Variants in LRRC7 observed in about 807,000 individuals in gnomAD.
LRRC7 encodes the protein leucine rich repeat containing 7, also known as leucine-rich repeat-containing protein 7.
In LRRC7, 23 loss-of-function variants were observed where a neutral mutation model predicts 175.7. The ratio of observed to expected loss-of-function variants is 0.13; its 90% confidence interval spans 0.09 to 0.19. LRRC7 has a LOEUF of 0.19. LRRC7 is among the 10% of genes least tolerant of loss of function. LRRC7 has a pLI of 1.00. For missense variants in LRRC7, 1,354 were observed against 1,904.7 expected (o/e 0.71, Z 5.38); for synonymous variants, 685 against 680.9 (o/e 1.01, Z -0.09).
chr1:69,597,251 G>A (rs1275535427), intron 1 of LRRC7, among the ~76,000 whole-genome samples: 1 of 152,040 alleles, frequency 6.6e-6, no homozygotes, highest in Non-Finnish European at 1.5e-5. Context: ...TAAAAGACAG[G>A]GGTTAGATAG....
chr1:70,087,823 A>G (rs926799956), intron 24 of LRRC7, among the ~76,000 whole-genome samples: 1 of 152,192 alleles, frequency 6.6e-6, no homozygotes, highest in African/African-American at 2.4e-5. Flanking sequence ...CCAGTAAACT[A>G]TCTAATATTT....
intron 18 of LRRC7, among the ~76,000 whole-genome samples, chr1:70,029,576 T>C (rs1412350164): frequency 6.6e-6 from 1 of 152,162 alleles, no homozygotes; most frequent in Admixed American, 6.6e-5. Context: ...CAAAATATTA[T>C]GCACATATTA....
At chr1:69,841,229 A>C (rs1681694959) in intron 7 of LRRC7, among the ~76,000 whole-genome samples, 1 of 152,020 alleles carries the variant, frequency 6.6e-6, no homozygotes, top group Non-Finnish European at 1.5e-5. Context: ...GTGCTTCTCT[A>C]TAGGGCTACT....
intron 1 of LRRC7, among the ~76,000 whole-genome samples, chr1:69,585,964 G>C (rs1348155560): frequency 6.6e-6 from 1 of 152,040 alleles, no homozygotes; most frequent in Non-Finnish European, 1.5e-5. Context: ...TAAAAATCTG[G>C]CTTACAAAAA....
At chr1:69,747,922 G>A (rs1669430690) in intron 2 of LRRC7, among the ~76,000 whole-genome samples, 1 of 151,952 alleles carries the variant, frequency 6.6e-6, no homozygotes, top group Non-Finnish European at 1.5e-5. Flanking sequence ...ATTCACACAT[G>A]CCTTTAACTT....
intron 1 of LRRC7, among the ~76,000 whole-genome samples, chr1:69,641,385 CTG>C (rs1182402432): frequency 6.6e-6 from 1 of 151,442 alleles, no homozygotes. Flanking sequence ...CCTTAATACT[CTG>C]TTTATTTATT....
At chr1:69,811,654 G>A (rs1677885426) in intron 4 of LRRC7, among the ~76,000 whole-genome samples, 1 of 152,060 alleles carries the variant, frequency 6.6e-6, no homozygotes, top group Non-Finnish European at 1.5e-5. Flanking sequence ...ATCATTCTCA[G>A]CAAACTAACA....
At chr1:69,686,845 G>A (rs978674533) in intron 2 of LRRC7, among the ~76,000 whole-genome samples, 2 of 151,938 alleles carry the variant, frequency 1.3e-5, no homozygotes, top group African/African-American at 4.8e-5. Context: ...CCAACTATAT[G>A]TTGCTTATAA....
Position 70,136,836 on chromosome 1 carries a change from C to G in LRRC7, c.*14949C>G, listed in dbSNP as rs921198884. On this transcript the variant is annotated 3_prime_UTR_variant, in exon 27 of 27. Transcript: ENST00000651989. ...CCTTGACCACCTGGGCTCAAGTGAT[C>G]CACCTCAGCCTCCTGAGTAGCTGGG... 6.8e-6 allele frequency among the ~76,000 whole-genome samples: 1 copy of G among 147,978 alleles called. No homozygotes were observed. The highest frequency in any genetic ancestry group is 1.5e-5 in the Non-Finnish European group (1 of 67,342).
intron 7 of LRRC7, among the ~76,000 whole-genome samples, chr1:69,925,305 C>G (rs1647030519): frequency 6.6e-6 from 1 of 152,156 alleles, no homozygotes; most frequent in Admixed American, 6.5e-5. Context: ...CAGGATGATG[C>G]TGACCTCATA....
At chr1:69,907,539 T>C (rs533921058) in intron 7 of LRRC7, among the ~76,000 whole-genome samples, 9 of 152,296 alleles carry the variant, frequency 5.9e-5, no homozygotes, top group South Asian at 2.1e-4. Flanking sequence ...TTGTCTTTGG[T>C]TCTGTTTATA....
intron 7 of LRRC7, among the ~76,000 whole-genome samples, chr1:69,854,673 A>G (rs904160417): frequency 6.6e-6 from 1 of 152,320 alleles, no homozygotes; most frequent in Middle Eastern, 3.4e-3. Context: ...TATATAGTAA[A>G]AATGAGTATT....
chr1:69,701,416 G>A (rs1205783840), intron 2 of LRRC7, among the ~76,000 whole-genome samples: 1 of 152,118 alleles, frequency 6.6e-6, no homozygotes, highest in Admixed American at 6.5e-5. Context: ...ACTGAGCCCA[G>A]TGCCTGACAC....
At chr1:69,599,085 C>T (rs905870131) in intron 1 of LRRC7, among the ~76,000 whole-genome samples, 5 of 151,912 alleles carry the variant, frequency 3.3e-5, no homozygotes, top group African/African-American at 1.2e-4. Context: ...GTATGTGTAC[C>T]ACTAGCTGAT....
At chr1:69,662,077 G>C (rs948174575) in intron 1 of LRRC7, among the ~76,000 whole-genome samples, 2 of 152,102 alleles carry the variant, frequency 1.3e-5, no homozygotes, top group African/African-American at 4.8e-5. Context: ...CAGAAAACGT[G>C]AGCTTGAATC....
chr1:70,118,304 C>A (rs2102237998), intron 26 of LRRC7, among the ~76,000 whole-genome samples: 1 of 151,600 alleles, frequency 6.6e-6, no homozygotes, highest in East Asian at 1.9e-4. Flanking sequence ...GAGTAAGTTT[C>A]TTTGGAACTG....
chr1:69,942,406 C>T (rs1648818677), intron 8 of LRRC7, among the ~76,000 whole-genome samples: 1 of 152,032 alleles, frequency 6.6e-6, no homozygotes. Flanking sequence ...TACATATATA[C>T]CTGTGTTACT....
intron 2 of LRRC7, among the ~76,000 whole-genome samples, chr1:69,707,397 T>C (rs35710092): frequency 0.08 from 12,109 of 152,178 alleles, 562 homozygotes; most frequent in East Asian, 0.14. Context: ...TCTGTCAGCA[T>C]CTGCCCGCAG....
At chr1:69,977,570 A>G (rs1652954780) in intron 8 of LRRC7, among the ~76,000 whole-genome samples, 1 of 152,292 alleles carries the variant, frequency 6.6e-6, no homozygotes, top group Non-Finnish European at 1.5e-5. Flanking sequence ...AATACTATTT[A>G]CCAAATAATC....
Sources: allele counts gnomAD v4.1 joint callset (sites outside exome capture counted in the v4.1 genomes callset), GRCh38; gene constraint gnomAD v4.1.1; transcripts MANE v1.5; gene names NCBI Gene and HGNC (gene_info 2026-07-23, HGNC 2026-07-21).